ARL15: variants seen among roughly 807,000 people sequenced by gnomAD.
ARL15 encodes the protein ADP-ribosylation factor-like protein 15.
Under a neutral mutation model 25.2 loss-of-function variants are expected in ARL15, and 19 were observed. The ratio of observed to expected loss-of-function variants is 0.75; its 90% CI spans 0.53 to 1.10. The LOEUF (loss-of-function observed/expected upper bound fraction) is 1.10, where lower values mean the gene tolerates loss of function less well. Ranked by LOEUF, ARL15 falls within the 50% of genes least tolerant of loss-of-function variation. The pLI, the probability that ARL15 is intolerant of heterozygous loss-of-function variation, is 0.00. For synonymous variants in ARL15, 94 were observed against 86.8 expected, an observed-to-expected ratio of 1.08 and a Z score of -0.46; for missense variants, 220 against 246.0, an observed-to-expected ratio of 0.89 and a Z score of 0.71.
chr5:54,292,258 C>T (rs1758353514), intron 1 of ARL15, among the ~76,000 whole-genome samples: 1 of 152,092 alleles, frequency 6.6e-6, no homozygotes, highest in African/African-American at 2.4e-5. Flanking sequence ...TCTTGCTTCT[C>T]CAAAGATGTG....
At chr5:54,220,827 T>TA (rs1756352122) in intron 1 of ARL15, among the ~76,000 whole-genome samples, 1 of 152,172 alleles carries the variant, frequency 6.6e-6, no homozygotes, top group Non-Finnish European at 1.5e-5. Context: ...GCAGTCCTCC[T>TA]AAAGCACCCC....
chr5:53,902,235 C>T (rs2111943103), intron 4 of ARL15, among the ~76,000 whole-genome samples: 1 of 152,340 alleles, frequency 6.6e-6, no homozygotes, highest in Middle Eastern at 3.4e-3. Flanking sequence ...CAAACGATTG[C>T]TACCTGATCA....
chr5:54,031,678 A>C lies in ARL15; in HGVS notation c.462+81524T>G, dbSNP rs375004700. On this transcript the variant is annotated intron_variant, in intron 4 of 4. Transcript: ENST00000504924. ...ATTCTACCAAAAAACAAATTCCAAA[A>C]TATACCACCATTCATGGCGAGAGTA... Among the ~76,000 whole-genome samples, 29 of 152,306 alleles carry C rather than the reference A, an allele frequency of 1.9e-4. 1 individual carries two copies. The South Asian group carries it at 5.0e-3, about 26-fold the overall frequency.
intron 4 of ARL15, among the ~76,000 whole-genome samples, chr5:54,051,305 A>G (rs1330110931): frequency 6.6e-6 from 1 of 152,238 alleles, no homozygotes; most frequent in Non-Finnish European, 1.5e-5. Context: ...ACTTTCTCAA[A>G]GTCGCAAGAC....
chr5:54,066,620 A>G (rs1751242398), intron 4 of ARL15, among the ~76,000 whole-genome samples: 1 of 152,128 alleles, frequency 6.6e-6, no homozygotes, highest in Non-Finnish European at 1.5e-5. Context: ...TAACATTGGG[A>G]GATACTTTTG....
intron 1 of ARL15, among the ~76,000 whole-genome samples, chr5:54,199,883 T>C (rs546424509): frequency 1.2e-5 from 1 of 80,966 alleles, no homozygotes; most frequent in Non-Finnish European, 2.7e-5. Flanking sequence ...AGCAAAGACT[T>C]GGAACCAACC....
chr5:54,077,094 C>T (rs1172154220), intron 4 of ARL15, among the ~76,000 whole-genome samples: 1 of 152,074 alleles, frequency 6.6e-6, no homozygotes, highest in East Asian at 1.9e-4. Context: ...ATTAAGAGTA[C>T]CGTTAAATTT....
At chr5:54,227,824 CAA>C (rs1756567509) in intron 1 of ARL15, among the ~76,000 whole-genome samples, 1 of 152,140 alleles carries the variant, frequency 6.6e-6, no homozygotes, top group African/African-American at 2.4e-5. Context: ...CTACAGAAAT[CAA>C]AAGTGACAGA....
chr5:53,909,347 T>G (rs879117369), intron 4 of ARL15, among the ~76,000 whole-genome samples: 1 of 152,170 alleles, frequency 6.6e-6, no homozygotes, highest in Admixed American at 6.5e-5. Context: ...CTTTATGTAT[T>G]TCTGAATAAT....
intron 3 of ARL15, among the ~76,000 whole-genome samples, chr5:54,135,134 A>G (rs1460103548): frequency 1.3e-5 from 2 of 152,174 alleles, no homozygotes; most frequent in Admixed American, 6.5e-5. Context: ...TAATAGAGAT[A>G]TAAGTAATGT....
At chr5:54,074,254 A>G (rs960099792) in intron 4 of ARL15, among the ~76,000 whole-genome samples, 1 of 152,194 alleles carries the variant, frequency 6.6e-6, no homozygotes, top group Admixed American at 6.6e-5. Context: ...CCTCATCTAA[A>G]GAAGGAGGAT....
chr5:54,300,071 C>T (rs1407651568), intron 1 of ARL15, among the ~76,000 whole-genome samples: 1 of 152,156 alleles, frequency 6.6e-6, no homozygotes, highest in Non-Finnish European at 1.5e-5. Context: ...GACCCCATTA[C>T]CCACCTCAAT....
At chr5:54,297,389 C>A (rs1339893306) in intron 1 of ARL15, among the ~76,000 whole-genome samples, 1 of 152,236 alleles carries the variant, frequency 6.6e-6, no homozygotes, top group Non-Finnish European at 1.5e-5. Context: ...TCCAACAGGA[C>A]TGAAATCTGG....
intron 3 of ARL15, among the ~76,000 whole-genome samples, chr5:54,145,235 T>A (rs1237537075): frequency 6.6e-5 from 10 of 152,184 alleles, no homozygotes; most frequent in Admixed American, 6.5e-4. Flanking sequence ...ATAATTAACT[T>A]TACATAAATT....
intron 4 of ARL15, among the ~76,000 whole-genome samples, chr5:54,087,442 TC>T (rs1208212780): frequency 6.6e-6 from 1 of 152,182 alleles, no homozygotes. Context: ...TTTAGCAATT[TC>T]TAGCCCTAGA....
In ARL15 at chr5:54,117,370, TACACACAC is replaced by T. The variant is rs71600803; in HGVS notation, c.254-3968_254-3961del. 7.5e-3 allele frequency among the ~76,000 whole-genome samples: 1,077 copies of T among 143,874 alleles called. 4 individuals are homozygous for T. The highest frequency in any genetic ancestry group is 0.012 in the African/African-American group (447 of 38,622). 94.4% of individuals were successfully genotyped at this position (143,874 alleles called of 152,430 possible). On this transcript the variant is annotated intron_variant, in intron 3 of 4. Coordinates refer to ENST00000504924, the MANE Select transcript of ARL15 (RefSeq NM_019087.3). The stretch of plus-strand genomic sequence containing the variant: ...TGGTACCTGCAAATAGTGAGACACA[TACACACAC>T]ACACACACACACACACACACACACA...
intron 4 of ARL15, among the ~76,000 whole-genome samples, chr5:53,942,216 G>A (rs1228245036): frequency 6.6e-6 from 1 of 152,074 alleles, no homozygotes; most frequent in African/African-American, 2.4e-5. Flanking sequence ...GGGTGGGTGG[G>A]GAAGAGAGGG....
intron 4 of ARL15, among the ~76,000 whole-genome samples, chr5:54,015,405 G>C (rs1478951614): frequency 6.6e-6 from 1 of 152,004 alleles, no homozygotes; most frequent in Non-Finnish European, 1.5e-5. Context: ...CAAGCATTTT[G>C]GATAAGGGAT....
At chr5:54,259,055 C>T (rs1757433934) in intron 1 of ARL15, among the ~76,000 whole-genome samples, 1 of 152,222 alleles carries the variant, frequency 6.6e-6, no homozygotes, top group South Asian at 2.1e-4. Flanking sequence ...ATCCTCTTGG[C>T]TCTCAATTTA....
Sources: allele counts gnomAD v4.1 joint callset (sites outside exome capture counted in the v4.1 genomes callset), GRCh38; gene constraint gnomAD v4.1.1; transcripts MANE v1.5; gene names NCBI Gene and HGNC (gene_info 2026-07-23, HGNC 2026-07-21).